The following DAB1 variants were observed in gnomAD, a reference collection of about 807,000 sequenced individuals.
The protein encoded by DAB1 is DAB adaptor protein 1.
A neutral mutation model predicts 64.6 loss-of-function variants in DAB1; 15 were observed. The observed-to-expected ratio is 0.23, with a 90% confidence interval of 0.16 to 0.36. DAB1 has a LOEUF of 0.36. Ranked by LOEUF, DAB1 falls within the 10% of genes least tolerant of loss-of-function variation. The pLI is 1.00. For synonymous variants in DAB1, 235 were observed against 251.9 expected, an observed-to-expected ratio of 0.93 and a Z score of 0.64; for missense variants, 596 against 706.7, an observed-to-expected ratio of 0.84 and a Z score of 1.78.
At chr1:57,527,480 T>C (rs1644606795) in intron 7 of DAB1, among the ~76,000 whole-genome samples, 1 of 152,170 alleles carries the variant, frequency 6.6e-6, no homozygotes, top group Admixed American at 6.5e-5. Flanking sequence ...CCAAATCACT[T>C]CCTCAAGATG....
intron 4 of DAB1, among the ~76,000 whole-genome samples, chr1:58,294,419 TA>T (rs1478018582): frequency 6.6e-6 from 1 of 152,104 alleles, no homozygotes; most frequent in Non-Finnish European, 1.5e-5. Context: ...TAATTTGAGC[TA>T]AGAAATATTC....
At chr1:57,494,810 G>T (rs887100392) in intron 7 of DAB1, among the ~76,000 whole-genome samples, 4 of 152,074 alleles carry the variant, frequency 2.6e-5, no homozygotes, top group Non-Finnish European at 5.9e-5. Flanking sequence ...CTGGAGTTTG[G>T]CTTGGCTCCA....
At chr1:57,929,204 A>C (rs1644921575) in intron 5 of DAB1, among the ~76,000 whole-genome samples, 1 of 152,190 alleles carries the variant, frequency 6.6e-6, no homozygotes, top group Non-Finnish European at 1.5e-5. Context: ...GACCATCTTT[A>C]CATATGTGTA....
chr1:57,455,698 T>C (rs932506553), intron 7 of DAB1, among the ~76,000 whole-genome samples: 2 of 152,226 alleles, frequency 1.3e-5, no homozygotes, highest in Admixed American at 6.5e-5. Flanking sequence ...GCCAGCTAAA[T>C]TGGGTCTAGA....
chr1:57,303,404 C>A (rs977079942), intron 1 of DAB1, among the ~76,000 whole-genome samples: 37 of 152,318 alleles, frequency 2.4e-4, no homozygotes, highest in African/African-American at 8.9e-4. Flanking sequence ...ACAGATCTCT[C>A]CCCAAGGACA....
At chr1:57,395,124 A>G (rs1022437390) in intron 1 of DAB1, among the ~76,000 whole-genome samples, 2 of 152,126 alleles carry the variant, frequency 1.3e-5, no homozygotes, top group Non-Finnish European at 2.9e-5. Context: ...TCCGGGTTTC[A>G]GGCGATTCTC....
chr1:57,371,157 T>A (rs1680463304), intron 1 of DAB1, among the ~76,000 whole-genome samples: 1 of 152,148 alleles, frequency 6.6e-6, no homozygotes, highest in Admixed American at 6.5e-5. Context: ...TTCTCACTAG[T>A]GTGGATTCAG....
intron 5 of DAB1, among the ~76,000 whole-genome samples, chr1:57,974,689 A>G (rs563598313): frequency 1.0e-3 from 152 of 152,226 alleles, no homozygotes; most frequent in Admixed American, 4.7e-3. Flanking sequence ...CCTTACATAC[A>G]TACCCATGGC....
intron 2 of DAB1, among the ~76,000 whole-genome samples, chr1:57,225,351 C>A (rs1047861185): frequency 2.0e-5 from 3 of 152,100 alleles, no homozygotes; most frequent in Non-Finnish European, 4.4e-5. Context: ...TGTGTAATGT[C>A]AGATTGGACT....
chr1:57,000,772 A>C (rs1347559938), intron 14 of DAB1, among the ~76,000 whole-genome samples: 1 of 152,190 alleles, frequency 6.6e-6, no homozygotes, highest in African/African-American at 2.4e-5. Flanking sequence ...TGGATGCCCC[A>C]AGAAGTCAGG....
rs1569695480 is a variant in DAB1, at chr1:58,371,344, AT to A, written n.258-27942del. On this transcript the variant is annotated intron_variant and non_coding_transcript_variant, in intron 3 of 20. Coordinates refer to the DAB1 transcript ENST00000485760. ...ATGATTAGGGTATCTGGCAGACTGA[AT>A]TTCTAAGCAGCAAAGCATTCAAGAT... Among the ~76,000 whole-genome samples the A allele has an allele frequency of 2.0e-5, 3 of 152,292 alleles. No homozygotes were observed. In the East Asian group the frequency reaches 5.8e-4, roughly 29 times the overall value.
At chr1:57,275,380 A>G (rs1671377117) in intron 2 of DAB1, among the ~76,000 whole-genome samples, 1 of 152,236 alleles carries the variant, frequency 6.6e-6, no homozygotes, top group African/African-American at 2.4e-5. Context: ...TAGAATTCTA[A>G]GAAGAGAATA....
chr1:58,202,153 CA>C (rs900998258), intron 4 of DAB1, among the ~76,000 whole-genome samples: 3 of 151,554 alleles, frequency 2.0e-5, no homozygotes, highest in African/African-American at 7.3e-5. Flanking sequence ...GCTTTAAAGA[CA>C]AAAAAAAGAC....
intron 4 of DAB1, among the ~76,000 whole-genome samples, chr1:58,315,507 G>A (rs572515745): frequency 6.6e-6 from 1 of 152,200 alleles, no homozygotes; most frequent in Non-Finnish European, 1.5e-5. Context: ...CATGTGTTGG[G>A]TGCTGGGGTG....
chr1:57,924,356 G>GAATTTTACTGATTAAGAATT (rs1644849640), intron 5 of DAB1, among the ~76,000 whole-genome samples: 1 of 152,210 alleles, frequency 6.6e-6, no homozygotes, highest in South Asian at 2.1e-4. Flanking sequence ...CTGAGGAACA[G>GAATTTTACTGATTAAGAATT]AATTTTACTG....
chr1:57,855,024 G>T lies in DAB1; in HGVS notation n.88-28569C>A, dbSNP rs1338954849. 5.3e-5 allele frequency among the ~76,000 whole-genome samples: 8 copies of T among 152,142 alleles called. No individual in the cohort carries two copies. The East Asian group carries it at 1.5e-3, about 29-fold the overall frequency. On this transcript the variant is annotated intron_variant and non_coding_transcript_variant, in intron 1 of 1. Coordinates refer to the DAB1 transcript ENST00000477280. Reference sequence around the variant, plus strand: ...TTAACTCACAGGAATAAATATCCTGGCCTTGCTAACACAGAAGGACAGTGT... The same window carrying T: ...TTAACTCACAGGAATAAATATCCTGTCCTTGCTAACACAGAAGGACAGTGT...
chr1:57,682,140 A>G (rs1259793034), intron 6 of DAB1, among the ~76,000 whole-genome samples: 1 of 152,126 alleles, frequency 6.6e-6, no homozygotes, highest in Admixed American at 6.5e-5. Flanking sequence ...TGGAAGGGAT[A>G]GAAATATTCA....
intron 6 of DAB1, among the ~76,000 whole-genome samples, chr1:57,813,847 A>T (rs557935966): frequency 6.6e-6 from 1 of 152,342 alleles, no homozygotes; most frequent in South Asian, 2.1e-4. Flanking sequence ...TAGGTAGCAG[A>T]TGTCAAACTC....
chr1:57,636,226 G>A (rs1159899447), intron 7 of DAB1, among the ~76,000 whole-genome samples: 1 of 152,088 alleles, frequency 6.6e-6, no homozygotes. Context: ...CAGTGAGAAG[G>A]CGGCTCCCTA....
Sources: allele counts gnomAD v4.1 joint callset (sites outside exome capture counted in the v4.1 genomes callset), GRCh38; gene constraint gnomAD v4.1.1; transcripts MANE v1.5; gene names NCBI Gene and HGNC (gene_info 2026-07-23, HGNC 2026-07-21).